TEKT4: variants seen among roughly 807,000 people sequenced by gnomAD.
The protein encoded by TEKT4 is tektin-4.
A neutral mutation model predicts 46.0 loss-of-function variants in TEKT4; 46 were observed. The observed-to-expected ratio is 1.00, with a 90% CI of 0.79 to 1.28. The LOEUF (loss-of-function observed/expected upper bound fraction) is 1.28. Ranked by LOEUF, TEKT4 falls within the 50% of genes most tolerant of loss-of-function variation. TEKT4 has a pLI of 0.00. For synonymous variants in TEKT4, 325 were observed against 265.8 expected (o/e 1.22, Z -2.17); for missense variants, 790 against 622.9 (o/e 1.27, Z -2.85).
At position 94,874,032 on chromosome 2, in the gene TEKT4, G is replaced by A. The variant is rs200066212; in HGVS notation, c.637G>A (p.Asp213Asn). ...AGACAAGATGGAGGCCTACAACATC[G>A]ACGAGACCTGCGGGCGCCACCACAG... ...WSDKMEAYNI[D>N]ETCGRHHSQS... The change falls in exon 3 of 6, where the codon GAC becomes AAC. Residue 213 changes from aspartate (D) to asparagine (N), a missense_variant. By Grantham distance (23) the Asp-to-Asn change is conservative. Coordinates refer to ENST00000295201, the MANE Select transcript of TEKT4 (RefSeq NM_144705.4). The A allele has an allele frequency of 4.7e-5, 76 of 1,613,820 alleles. No individual in the cohort carries two copies. The highest frequency in any genetic ancestry group is 6.7e-5 in the Admixed American group (4 of 60,032).
In TEKT4 at chr2:94,874,043, C is replaced by G; in HGVS notation, c.648C>G (p.Cys216Trp). Residue 216 changes from cysteine to tryptophan, a missense_variant, in exon 3 of 6, where the codon TGC becomes TGG. Cys to Trp is a radical substitution (Grantham distance 215). Coordinates refer to ENST00000295201, the MANE Select transcript of TEKT4 (RefSeq NM_144705.4). ...KMEAYNIDET[C>W]GRHHSQSTEV... ...AGGCCTACAACATCGACGAGACCTG[C>G]GGGCGCCACCACAGCCAGAGCACCG... The G allele has an allele frequency of 6.2e-7, 1 of 1,613,754 alleles. No homozygotes were observed. The highest frequency in any genetic ancestry group is 1.1e-5 in the South Asian group (1 of 91,074).
rs537959791 is a variant in TEKT4, at chr2:94,875,962, G to C, written c.1091+220G>C. Among the ~76,000 whole-genome samples the C allele has an allele frequency of 3.9e-5, 6 of 152,294 alleles. No homozygotes were observed. The South Asian group carries it at 1.2e-3, about 32-fold the overall frequency. On this transcript the variant is annotated intron_variant, in intron 5 of 5. Transcript: ENST00000295201. ...TGGGTCGGGGGGCTCCCAGTGCCAG[G>C]GACCTGTGCCCACGTGGTCTCACCC... is the stretch of plus-strand genomic sequence containing the variant.
At chr2:94,872,859 A>T (rs782291654) in intron 1 of TEKT4, 2 of 1,289,232 alleles carry the variant, frequency 1.6e-6, no homozygotes, top group Non-Finnish European at 2.0e-6. Flanking sequence ...GAACTCCTGC[A>T]GCTCCCGCAA....
chr2:94,874,995 C>T lies in TEKT4; in HGVS notation c.933C>T (p.His311=), dbSNP rs1680775258. The T allele has an allele frequency of 6.3e-7, 1 of 1,598,622 alleles. No individual in the cohort carries two copies. The highest frequency in any genetic ancestry group is 2.3e-5 in the East Asian group (1 of 44,258). Residue 311 remains histidine (H), a synonymous_variant, in exon 4 of 6, where the codon CAC becomes CAT. Coordinates refer to ENST00000295201, the MANE Select transcript of TEKT4 (RefSeq NM_144705.4). ...DARYKLHHHL[H]KTLREITDQE... ...GGTACAAGCTGCATCACCACCTGCA[C>T]AAGGTGGGGCACCCTGAACCCCGAA...
intron 1 of TEKT4, chr2:94,872,895 T>G (rs1680641578): frequency 1.6e-6 from 2 of 1,289,362 alleles, no homozygotes; most frequent in Non-Finnish European, 2.0e-6. Flanking sequence ...CAAGGGCACC[T>G]GCCAACTGAT....
At chr2:94,876,027 C>T (rs1470410852) in intron 5 of TEKT4, among the ~76,000 whole-genome samples, 1 of 152,220 alleles carries the variant, frequency 6.6e-6, no homozygotes, top group South Asian at 2.1e-4. Context: ...GAAGCTCCTT[C>T]AGACAAGGTG....
intron 3 of TEKT4, 44 bp downstream of exon 3, chr2:94,874,152 C>T (rs782758078): frequency 1.8e-5 from 29 of 1,595,176 alleles, no homozygotes; most frequent in African/African-American, 6.7e-5. Flanking sequence ...GCTGTGGTCT[C>T]GCCTCCCTCT....
rs1680800884 is a variant in TEKT4, at chr2:94,875,480, CTG to C, written c.937-107_937-106del. The C allele has an allele frequency of 3.9e-6, 6 of 1,541,104 alleles. No homozygotes were observed. In the African/African-American group the frequency reaches 8.1e-5, roughly 21 times the overall value. On this transcript the variant is annotated intron_variant, in intron 4 of 5. Transcript: ENST00000295201. ...GCCTCCCCAGGGCCACTGGTCAGGA[CTG>C]CCCTCTGGACACAGCCCCAAGACCT... is the stretch of plus-strand genomic sequence containing the variant.
chr2:94,873,135 G>A, intron 1 of TEKT4: 16 of 1,224,904 alleles, frequency 1.3e-5, no homozygotes, highest in Non-Finnish European at 1.7e-5. Flanking sequence ...GCCCTGAGGG[G>A]CAGCCTGGGC....
rs782727655 is a variant in TEKT4 at position 94,873,574 on chromosome 2, G to A, written c.553G>A (p.Ala185Thr). Residue 185 changes from alanine (A) to threonine (T), a missense_variant, in exon 2 of 6, where the codon GCA becomes ACA. Ala to Thr is a moderately conservative substitution (Grantham distance 58). Transcript: ENST00000295201. ...QELLKRTIMQ[A>T]VSQIRLNREH... ...GCTGCTGAAGAGAACCATCATGCAA[G>A]CAGTGAGCCAGATCCGGTGGGTAGA... 4.3e-6 allele frequency: 7 copies of A among 1,613,322 alleles called. No homozygotes were observed. The highest frequency in any genetic ancestry group is 5.9e-6 in the Non-Finnish European group (7 of 1,180,000).
At chr2:94,874,201 C>CTTTCACCT in intron 3 of TEKT4, 93 bp downstream of exon 3, 1 of 1,437,526 alleles carries the variant, frequency 7.0e-7, no homozygotes, top group Non-Finnish European at 9.5e-7. Context: ...ACCAGCCTGG[C>CTTTCACCT]CCGGAGGCCC....
intron 2 of TEKT4, 142 bp from the exon 3 acceptor site, chr2:94,873,823 T>C: frequency 7.8e-7 from 1 of 1,289,226 alleles, no homozygotes; most frequent in Non-Finnish European, 1.1e-6. Context: ...TCCTGGTCAC[T>C]GCTGAGCACG....
rs782584003 is a variant in TEKT4 at position 94,873,595 on chromosome 2, G to T, written c.569+5G>T. ...GCAAGCAGTGAGCCAGATCCGGTGG[G>T]TAGAGGGCTGCCCAAGGGATGATTC... On this transcript the variant is annotated splice_donor_5th_base_variant and intron_variant, in intron 2 of 5. Transcript: ENST00000295201. 6.2e-7 allele frequency: 1 copy of T among 1,613,576 alleles called. No homozygotes were observed. Among genetic ancestry groups the T allele is most frequent in the South Asian group, 1.1e-5 (1 of 91,050 alleles).
rs188278481 is a variant in TEKT4, at chr2:94,872,743, C to T, written c.498+666C>T. ...GGGCAGCTGGTCTCCTGCCATACCCCAAGCTCAGGCAAGAACCCTTGAGTC... is the reference window on the plus strand; with the variant it reads ...GGGCAGCTGGTCTCCTGCCATACCCTAAGCTCAGGCAAGAACCCTTGAGTC... On this transcript the variant is annotated intron_variant, in intron 1 of 5. Coordinates refer to ENST00000295201, the MANE Select transcript of TEKT4 (RefSeq NM_144705.4). 4 of 1,158,130 alleles carry T rather than the reference C, an allele frequency of 3.5e-6. No homozygotes were observed. In the African/African-American group the frequency reaches 4.7e-5, roughly 14 times the overall value. The allele number at this position is 1,158,130 out of a possible 1,614,324, so 71.7% of individuals were successfully genotyped here.
At chr2:94,874,565 G>A (rs1361500474) in intron 3 of TEKT4, among the ~76,000 whole-genome samples, 1 of 151,772 alleles carries the variant, frequency 6.6e-6, no homozygotes, top group Non-Finnish European at 1.5e-5. Flanking sequence ...GGGTGGGTAG[G>A]GTGTGGGGGG....
intron 5 of TEKT4, among the ~76,000 whole-genome samples, chr2:94,876,183 G>A (rs574537494): frequency 5.3e-5 from 8 of 152,306 alleles, no homozygotes; most frequent in East Asian, 1.9e-4. Context: ...CCTTGATAAC[G>A]GATGCCCGGT....
In TEKT4 at chr2:94,876,762, A is replaced by G; in HGVS notation, c.1301A>G (p.Tyr434Cys). Residue 434 changes from tyrosine to cysteine, a missense_variant, in exon 6 of 6, where the codon TAC (tyrosine) becomes TGC (cysteine). Coordinates refer to ENST00000295201, the MANE Select transcript of TEKT4 (RefSeq NM_144705.4). Reference sequence around the variant, plus strand: ...CCCACCATCCTGCAGCTGGCTGGCTACCAGTGAGCAGCGGCACGGTGCTTC... The same window carrying G: ...CCCACCATCCTGCAGCTGGCTGGCTGCCAGTGAGCAGCGGCACGGTGCTTC... Reference protein sequence around the residue: ...RYPTILQLAGYQ With the variant: ...RYPTILQLAGCQ 1 of 1,605,960 alleles carries G rather than the reference A, an allele frequency of 6.2e-7. No homozygotes were observed. The highest frequency in any genetic ancestry group is 1.1e-5 in the South Asian group (1 of 91,032).
rs113006794 is a variant in TEKT4 at position 94,875,698 on chromosome 2, G to A, written c.1047G>A (p.Ser349=). Residue 349 remains serine (S), a synonymous_variant, in exon 5 of 6, where the codon TCG becomes TCA. Transcript: ENST00000295201. ...HVAQTRLYLR[S]HRPNMELCRD... ...CCCAGACCCGGCTGTACCTGCGCTC[G>A]CACCGGCCCAACATGGAGCTGTGCC... is the stretch of plus-strand genomic sequence containing the variant. 2.4e-5 allele frequency: 38 copies of A among 1,614,006 alleles called. No individual in the cohort carries two copies. Among genetic ancestry groups the A allele is most frequent in the African/African-American group, 9.3e-5 (7 of 74,908 alleles).
In TEKT4 at chr2:94,871,535, C is replaced by G. The variant is rs782540607; in HGVS notation, c.-45C>G. On this transcript the variant is annotated 5_prime_UTR_variant, in exon 1 of 6. Coordinates refer to ENST00000295201, the MANE Select transcript of TEKT4 (RefSeq NM_144705.4). ...ACTAGGCTGACCGCAACCGGCTGAC[C>G]ACACACAGTCCTCACTCCCCTGGCC... is the stretch of plus-strand genomic sequence containing the variant. 3.3e-6 allele frequency: 5 copies of G among 1,528,984 alleles called. No individual in the cohort carries two copies. The highest frequency in any genetic ancestry group is 4.4e-6 in the Non-Finnish European group (5 of 1,138,516). 94.7% of individuals were successfully genotyped at this position (1,528,984 alleles called of 1,614,324 possible). A position where few individuals can be genotyped will look rare whatever the true frequency, so the allele number is the denominator to read the frequency against.
Sources: gnomAD v4.1 joint callset for allele counts (sites outside exome capture counted in the v4.1 genomes callset) on GRCh38, gnomAD v4.1.1 for gene constraint, MANE v1.5 for transcripts, NCBI Gene and HGNC (gene_info 2026-07-23, HGNC 2026-07-21) for gene names.